The following RB1CC1 variants were observed in gnomAD, a reference collection of about 807,000 sequenced individuals.
RB1CC1 encodes the protein RB1 inducible coiled-coil 1.
Under a neutral mutation model 177.5 loss-of-function variants are expected in RB1CC1, and 46 were observed. That is an observed-to-expected ratio of 0.26 (90% confidence interval 0.20 to 0.33). RB1CC1 has a LOEUF of 0.33. Among genes scored for constraint, RB1CC1 ranks in the 10% least tolerant of loss-of-function variants. The probability of loss-of-function intolerance (pLI) is 1.00; values close to 1 mark genes in which losing one functional copy is unlikely to be tolerated. For synonymous variants in RB1CC1, 666 were observed against 613.6 expected, an observed-to-expected ratio of 1.09 and a Z score of -1.26; for missense variants, 1,703 against 1,816.3, an observed-to-expected ratio of 0.94 and a Z score of 1.13.
At chr8:52,667,731 A>G (rs111956230) in intron 8 of RB1CC1, among the ~76,000 whole-genome samples, 26 of 152,338 alleles carry the variant, frequency 1.7e-4, no homozygotes, top group East Asian at 7.7e-4. Context: ...GGGTAGTAGG[A>G]AGCATTGAAA....
At position 52,657,097 on chromosome 8, in the gene RB1CC1, T is replaced by C; in HGVS notation, c.2732A>G (p.Asn911Ser). ...CLEEVLQNKD[N>S]EFALVKHEKE... Reference sequence around the variant, plus strand: ...TTCATGTTTAACCAAAGCAAATTCATTATCTTTATTTTGTAAAACCTCCTC... The same window carrying C: ...TTCATGTTTAACCAAAGCAAATTCACTATCTTTATTTTGTAAAACCTCCTC... Residue 911 changes from asparagine (N) to serine (S), a missense_variant, in exon 15 of 24, where the codon AAT becomes AGT. Physicochemically the swap from Asn to Ser is conservative, Grantham distance 46. Transcript: ENST00000025008. The C allele has an allele frequency of 6.2e-7, 1 of 1,610,274 alleles. No individual in the cohort carries two copies. The highest frequency in any genetic ancestry group is 8.5e-7 in the Non-Finnish European group (1 of 1,178,876).
chr8:52,694,378 T>A (rs755889726), intron 1 of RB1CC1, among the ~76,000 whole-genome samples: 8 of 148,518 alleles, frequency 5.4e-5, no homozygotes, highest in Non-Finnish European at 1.2e-4. Flanking sequence ...CCCCGGGTAG[T>A]CCCCTGTGGA....
intron 7 of RB1CC1, 66 bp downstream of exon 7, chr8:52,673,774 CATAAA>C (rs1852815888): frequency 7.4e-7 from 1 of 1,358,868 alleles, no homozygotes; most frequent in African/African-American, 1.5e-5. Flanking sequence ...TCTCTCAGTA[CATAAA>C]ATATTTAGGA....
intron 12 of RB1CC1, among the ~76,000 whole-genome samples, chr8:52,659,520 T>A (rs879524057): frequency 6.6e-6 from 1 of 151,974 alleles, no homozygotes; most frequent in Non-Finnish European, 1.5e-5. Flanking sequence ...TTGCCAAGAG[T>A]TGCATTAAAA....
intron 7 of RB1CC1, 45 bp downstream of exon 7, chr8:52,673,800 A>T (rs1449675603): frequency 1.4e-6 from 2 of 1,477,606 alleles, no homozygotes; most frequent in Middle Eastern, 1.9e-4. Context: ...TAAATAATAT[A>T]AAGTAGTAAA....
At chr8:52,670,824 T>TA (rs986317768) in intron 7 of RB1CC1, among the ~76,000 whole-genome samples, 55 of 151,444 alleles carry the variant, frequency 3.6e-4, no homozygotes, top group East Asian at 1.6e-3. Context: ...CTATCTCTAT[T>TA]AAAAAAAACA....
rs1278688093 is a variant in RB1CC1, at chr8:52,702,456, C to T, written c.-167+11619G>A. 2.6e-5 allele frequency among the ~76,000 whole-genome samples: 4 copies of T among 152,296 alleles called. No individual in the cohort carries two copies. In the East Asian group the frequency reaches 7.7e-4, roughly 29 times the overall value. On this transcript the variant is annotated intron_variant, in intron 1 of 23. Transcript: ENST00000025008. ...AACAGGCCAGGCACAGTGGTTCATG[C>T]CTGTAATTCCAGCACTTTGGGAGGC...
At chr8:52,662,408 T>A (rs1851709740) in intron 8 of RB1CC1, among the ~76,000 whole-genome samples, 1 of 152,072 alleles carries the variant, frequency 6.6e-6, no homozygotes, top group South Asian at 2.1e-4. Flanking sequence ...AGATCTGCCA[T>A]AATCTTCCTT....
intron 8 of RB1CC1, among the ~76,000 whole-genome samples, chr8:52,665,327 G>A (rs914811042): frequency 1.3e-5 from 2 of 152,130 alleles, no homozygotes; most frequent in Non-Finnish European, 2.9e-5. Flanking sequence ...GCTGAAAACA[G>A]AGAAATTACT....
At chr8:52,705,614 G>A (rs1037806050) in intron 1 of RB1CC1, among the ~76,000 whole-genome samples, 2 of 152,088 alleles carry the variant, frequency 1.3e-5, no homozygotes, top group Admixed American at 1.3e-4. Flanking sequence ...GTGTACAAAG[G>A]TATATATATG....
intron 8 of RB1CC1, among the ~76,000 whole-genome samples, chr8:52,663,286 T>A (rs931581131): frequency 6.6e-6 from 1 of 151,978 alleles, no homozygotes; most frequent in Non-Finnish European, 1.5e-5. Context: ...CCCTCAAGGA[T>A]ACGAATGGCT....
At chr8:52,643,249 C>A (rs1267433168) in intron 16 of RB1CC1, 1 of 154,184 alleles carries the variant, frequency 6.5e-6, no homozygotes, top group African/African-American at 2.4e-5. Context: ...GCAATGGTCA[C>A]TGGAATGCTG....
At position 52,657,740 on chromosome 8, in the gene RB1CC1, C is replaced by T; in HGVS notation, c.2089G>A (p.Ala697Thr). 3 of 1,613,958 alleles carry T rather than the reference C, an allele frequency of 1.9e-6. No homozygotes were observed. Among genetic ancestry groups the T allele is most frequent in the Non-Finnish European group, 2.5e-6 (3 of 1,179,986 alleles). The change falls in exon 15 of 24, where the codon GCA becomes ACA. Residue 697 changes from alanine (A) to threonine (T), a missense_variant. By Grantham distance (58) the Ala-to-Thr change is moderately conservative. Coordinates refer to ENST00000025008, the MANE Select transcript of RB1CC1 (RefSeq NM_014781.5). Reference protein sequence around the residue: ...LEELSPDSIDAHTFDFETIPH... With the variant: ...LEELSPDSIDTHTFDFETIPH... ...ATAGTTTCAAAATCAAACGTATGTG[C>T]ATCAATACTATCTGGAGATAATTCT...
rs5891479 is a variant in RB1CC1 at position 52,712,496 on chromosome 8, C to CAAA, written c.-167+1576_-167+1578dup. Among the ~76,000 whole-genome samples, 21 of 100,422 alleles carry CAAA rather than the reference C, an allele frequency of 2.1e-4. 1 individual carries two copies. The highest frequency in any genetic ancestry group is 1.1e-3 in the South Asian group (3 of 2,818). The allele number at this position is 100,422 out of a possible 152,430, so 65.9% of individuals were successfully genotyped here. A position where few individuals can be genotyped will look rare whatever the true frequency, so the allele number is the denominator to read the frequency against. On this transcript the variant is annotated intron_variant, in intron 1 of 23. Coordinates refer to ENST00000025008, the MANE Select transcript of RB1CC1 (RefSeq NM_014781.5). ...TGATCTTGTGTTTGGCAGCAAGAGC[C>CAAA]AAAAAAAAAAAAAAAAAAAACTCAG...
chr8:52,625,208 G>A (rs1024171289), intron 22 of RB1CC1, among the ~76,000 whole-genome samples: 1 of 152,098 alleles, frequency 6.6e-6, no homozygotes, highest in African/African-American at 2.4e-5. Flanking sequence ...ATTTTTGATG[G>A]GCAGTATTTT....
chr8:52,713,083 C>T (rs1857190730), intron 1 of RB1CC1, among the ~76,000 whole-genome samples: 1 of 152,200 alleles, frequency 6.6e-6, no homozygotes, highest in East Asian at 1.9e-4. Flanking sequence ...ATAAATCATA[C>T]AAGCTTCACC....
chr8:52,677,724 A>C (rs892191574), intron 5 of RB1CC1, among the ~76,000 whole-genome samples: 2 of 152,230 alleles, frequency 1.3e-5, no homozygotes, highest in African/African-American at 4.8e-5. Flanking sequence ...TAGGAATGTC[A>C]GTAAAATGAT....
intron 8 of RB1CC1, among the ~76,000 whole-genome samples, chr8:52,663,783 A>G (rs1851828993): frequency 6.6e-6 from 1 of 152,170 alleles, no homozygotes; most frequent in South Asian, 2.1e-4. Context: ...GACATTTCTC[A>G]AATTCAAAAA....
chr8:52,660,988 T>C lies in RB1CC1; in HGVS notation c.1565A>G (p.Lys522Arg), dbSNP rs766968433. ...HYREWAGALV[K>R]DGKRLYEAEK... ...TGCTTCATATAATCTCTTTCCATCTTTGACTAAAGCACCAGCCCACTAGAA... is the reference window on the plus strand; with the variant it reads ...TGCTTCATATAATCTCTTTCCATCTCTGACTAAAGCACCAGCCCACTAGAA... Residue 522 changes from lysine to arginine, a missense_variant, in exon 11 of 24, where the codon AAA (lysine) becomes AGA (arginine). Coordinates refer to ENST00000025008, the MANE Select transcript of RB1CC1 (RefSeq NM_014781.5). 8 of 1,613,618 alleles carry C rather than the reference T, an allele frequency of 5.0e-6. No homozygotes were observed. The highest frequency in any genetic ancestry group is 3.3e-5 in the South Asian group (3 of 91,006).
Sources: gnomAD v4.1 joint callset for allele counts (sites outside exome capture counted in the v4.1 genomes callset) on GRCh38, gnomAD v4.1.1 for gene constraint, MANE v1.5 for transcripts, NCBI Gene and HGNC (gene_info 2026-07-23, HGNC 2026-07-21) for gene names.